The following GULP1 variants were observed in gnomAD, a reference collection of about 807,000 sequenced individuals.
GULP1 encodes PTB domain-containing engulfment adapter protein 1.
In GULP1, 19 loss-of-function variants were observed where a neutral mutation model predicts 40.9. The observed-to-expected ratio is 0.46, with a 90% confidence interval of 0.32 to 0.68. GULP1 has a LOEUF of 0.68. GULP1 is among the 30% of genes least tolerant of loss of function. The pLI is 0.03. For missense variants in GULP1, 312 were observed against 362.2 expected, an observed-to-expected ratio of 0.86 and a Z score of 1.12; for synonymous variants, 119 against 117.6, an observed-to-expected ratio of 1.01 and a Z score of -0.08.
At chr2:188,306,297 A>G (rs2037081429) in intron 1 of GULP1, among the ~76,000 whole-genome samples, 1 of 152,198 alleles carries the variant, frequency 6.6e-6, no homozygotes, top group African/African-American at 2.4e-5. Context: ...ATTTAACTTT[A>G]AATAGTTTAT....
intron 2 of GULP1, among the ~76,000 whole-genome samples, chr2:188,396,380 G>A (rs1344927491): frequency 3.9e-5 from 6 of 152,210 alleles, no homozygotes; most frequent in East Asian, 1.9e-4. Context: ...TTTGGCTACT[G>A]GAGTAATGTT....
chr2:188,578,956 T>A (rs964475976), intron 9 of GULP1, among the ~76,000 whole-genome samples: 3 of 152,276 alleles, frequency 2.0e-5, no homozygotes, highest in Non-Finnish European at 4.4e-5. Flanking sequence ...CCTTGAAACC[T>A]AAGTGCGAAA....
intron 7 of GULP1, among the ~76,000 whole-genome samples, chr2:188,544,138 A>C (rs375472865): frequency 6.6e-6 from 1 of 152,128 alleles, no homozygotes; most frequent in African/African-American, 2.4e-5. Context: ...CATCTGATGA[A>C]GCCACCTAAA....
chr2:188,422,097 T>C (rs2055510765), intron 2 of GULP1, among the ~76,000 whole-genome samples: 1 of 151,242 alleles, frequency 6.6e-6, no homozygotes, highest in South Asian at 2.1e-4. Flanking sequence ...TTTTTTTTTT[T>C]GACCTGGTCT....
intron 7 of GULP1, among the ~76,000 whole-genome samples, chr2:188,556,847 C>A (rs1694885816): frequency 6.6e-6 from 1 of 151,954 alleles, no homozygotes; most frequent in African/African-American, 2.4e-5. Context: ...CACGGTGAAA[C>A]CCCGTCTCTA....
chr2:188,343,047 G>A (rs376781970), intron 1 of GULP1, among the ~76,000 whole-genome samples: 40 of 152,266 alleles, frequency 2.6e-4, no homozygotes, highest in African/African-American at 8.7e-4. Context: ...AATATTTGGT[G>A]ATTGACTAAA....
At chr2:188,521,665 C>T (rs2065793419) in intron 4 of GULP1, among the ~76,000 whole-genome samples, 1 of 152,150 alleles carries the variant, frequency 6.6e-6, no homozygotes, top group African/African-American at 2.4e-5. Context: ...ACTCAATTAC[C>T]TCCCACCAGT....
intron 10 of GULP1, among the ~76,000 whole-genome samples, chr2:188,584,920 A>T (rs1702051757): frequency 6.6e-6 from 1 of 152,016 alleles, no homozygotes; most frequent in African/African-American, 2.4e-5. Context: ...ATATATCTGG[A>T]AGGAATATTA....
intron 3 of GULP1, among the ~76,000 whole-genome samples, chr2:188,478,546 G>T: frequency 6.6e-6 from 1 of 152,074 alleles, no homozygotes; most frequent in East Asian, 1.9e-4. Context: ...AGAAGGTGAT[G>T]ATACATGAAT....
chr2:188,340,004 T>C (rs1427368980), intron 1 of GULP1, among the ~76,000 whole-genome samples: 1 of 152,252 alleles, frequency 6.6e-6, no homozygotes, highest in African/African-American at 2.4e-5. Context: ...TCACTCAATA[T>C]GGATGAACCT....
rs1299852986 is a variant in GULP1 at position 188,500,484 on chromosome 2, G to A, written c.90+16992G>A. Among the ~76,000 whole-genome samples, 4 of 151,852 alleles carry A rather than the reference G, an allele frequency of 2.6e-5. No homozygotes were observed. In the East Asian group the frequency reaches 7.8e-4, roughly 29 times the overall value. On this transcript the variant is annotated intron_variant, in intron 4 of 11. Coordinates refer to ENST00000409830, the MANE Select transcript of GULP1 (RefSeq NM_016315.4). ...TAATAAGCATCAAAATTGCTCAAAG[G>A]TGATGATTTAGGAGAGTAAAAAGAA... is the stretch of plus-strand genomic sequence containing the variant.
At chr2:188,323,269 T>C (rs1177579291) in intron 1 of GULP1, among the ~76,000 whole-genome samples, 1 of 152,008 alleles carries the variant, frequency 6.6e-6, no homozygotes, top group Non-Finnish European at 1.5e-5. Flanking sequence ...TATTTCATTG[T>C]ATTTTACTGT....
At chr2:188,410,473 A>T (rs1469756473) in intron 2 of GULP1, among the ~76,000 whole-genome samples, 1 of 152,218 alleles carries the variant, frequency 6.6e-6, no homozygotes, top group Non-Finnish European at 1.5e-5. Context: ...CCAAATATAT[A>T]AGAAATTCAA....
At position 188,432,399 on chromosome 2, in the gene GULP1, T is replaced by A. The variant is rs2056968510; in HGVS notation, c.-44-45260T>A. ...TTTAAAGTTATTTTTCTGTTAATCA[T>A]TTTTTTTTTAGTCTGTGACTATCGG... On this transcript the variant is annotated intron_variant, in intron 2 of 11. Coordinates refer to ENST00000409830, the MANE Select transcript of GULP1 (RefSeq NM_016315.4). Among the ~76,000 whole-genome samples the A allele has an allele frequency of 2.7e-5, 4 of 147,748 alleles. No homozygotes were observed. The South Asian group carries it at 8.5e-4, about 31-fold the overall frequency.
chr2:188,449,194 A>G (rs1205829109), intron 2 of GULP1, among the ~76,000 whole-genome samples: 1 of 152,082 alleles, frequency 6.6e-6, no homozygotes, highest in Non-Finnish European at 1.5e-5. Context: ...TTCCAACCCC[A>G]TTTTTCCCAC....
At chr2:188,396,961 C>T (rs1052664496) in intron 2 of GULP1, among the ~76,000 whole-genome samples, 6 of 152,142 alleles carry the variant, frequency 3.9e-5, no homozygotes, top group Admixed American at 3.9e-4. Flanking sequence ...TAAGGCCTTC[C>T]CCTGTAGCCT....
At chr2:188,429,627 A>T (rs918494235) in intron 2 of GULP1, among the ~76,000 whole-genome samples, 3 of 152,132 alleles carry the variant, frequency 2.0e-5, no homozygotes, top group Admixed American at 6.6e-5. Flanking sequence ...TTTGATAAAG[A>T]CCCTGGAGCT....
intron 7 of GULP1, among the ~76,000 whole-genome samples, chr2:188,565,136 A>G (rs1697332200): frequency 6.6e-6 from 1 of 151,966 alleles, no homozygotes; most frequent in South Asian, 2.1e-4. Context: ...TGAACTTTGG[A>G]TGGATAGTGA....
rs138118633 is a variant in GULP1, at chr2:188,355,639, A to C, written c.-171-28124A>C. Among the ~76,000 whole-genome samples the C allele has an allele frequency of 3.7e-3, 562 of 152,214 alleles. 3 individuals carry two copies. The highest frequency in any genetic ancestry group is 0.013 in the African/African-American group (530 of 41,570). ...CCAGTTCTTCTCAAACTATTAAAAA[A>C]ATTGAAGAGGAGAAAATTCTTCCTG... On this transcript the variant is annotated intron_variant, in intron 1 of 11. Coordinates refer to ENST00000409830, the MANE Select transcript of GULP1 (RefSeq NM_016315.4).
Sources: gnomAD v4.1 joint callset for allele counts (sites outside exome capture counted in the v4.1 genomes callset) on GRCh38, gnomAD v4.1.1 for gene constraint, MANE v1.5 for transcripts, NCBI Gene and HGNC (gene_info 2026-07-23, HGNC 2026-07-21) for gene names.